Variants in NTNG1 observed in about 807,000 individuals in gnomAD.
NTNG1 encodes the protein netrin G1.
Under a neutral mutation model 54.0 loss-of-function variants are expected in NTNG1, and 16 were observed. The ratio of observed to expected loss-of-function variants is 0.30; its 90% CI spans 0.20 to 0.45. The LOEUF is 0.45. NTNG1 is among the 20% of genes least tolerant of loss of function. The probability of loss-of-function intolerance (pLI) is 1.00; values close to 1 mark genes in which losing one functional copy is unlikely to be tolerated. For missense variants in NTNG1, 530 were observed against 678.7 expected, an observed-to-expected ratio of 0.78 and a Z score of 2.43; for synonymous variants, 255 against 263.1, an observed-to-expected ratio of 0.97 and a Z score of 0.30.
At chr1:107,329,463 G>T (rs545810435) in intron 3 of NTNG1, among the ~76,000 whole-genome samples, 1 of 152,326 alleles carries the variant, frequency 6.6e-6, no homozygotes, top group South Asian at 2.1e-4. Flanking sequence ...TAGTGCGAAA[G>T]ATGTGATGTC....
At chr1:107,256,356 C>T (rs891925526) in intron 2 of NTNG1, among the ~76,000 whole-genome samples, 11 of 152,190 alleles carry the variant, frequency 7.2e-5, no homozygotes, top group Non-Finnish European at 4.4e-5. Flanking sequence ...CTCATTCATT[C>T]AGTCAGTCCA....
intron 4 of NTNG1, among the ~76,000 whole-genome samples, chr1:107,403,472 G>A (rs1673179874): frequency 6.6e-6 from 1 of 152,140 alleles, no homozygotes; most frequent in Admixed American, 6.6e-5. Context: ...CACTTTGGGA[G>A]GATGAGGCAG....
intron 2 of NTNG1, among the ~76,000 whole-genome samples, chr1:107,298,838 G>A (rs1666143622): frequency 6.6e-6 from 1 of 152,130 alleles, no homozygotes; most frequent in African/African-American, 2.4e-5. Context: ...TATGAATTGT[G>A]ATTCTTGCCT....
chr1:107,326,200 GC>G (rs144677511), intron 3 of NTNG1, among the ~76,000 whole-genome samples: 3,625 of 152,160 alleles, frequency 0.024, 57 homozygotes, highest in South Asian at 0.044. Flanking sequence ...TCTACTCTCA[GC>G]TTTTTCTAGC....
At chr1:107,442,782 C>T (rs1206741794) in intron 7 of NTNG1, among the ~76,000 whole-genome samples, 1 of 151,276 alleles carries the variant, frequency 6.6e-6, no homozygotes. Flanking sequence ...AAGAGAGTCC[C>T]TTCTTTGATG....
At chr1:107,215,881 A>G (rs933972979) in intron 2 of NTNG1, among the ~76,000 whole-genome samples, 1 of 151,760 alleles carries the variant, frequency 6.6e-6, no homozygotes, top group African/African-American at 2.4e-5. Flanking sequence ...TATATTCCTA[A>G]TAATTTAATT....
chr1:107,165,588 T>G (rs906376069), intron 2 of NTNG1, among the ~76,000 whole-genome samples: 1 of 152,186 alleles, frequency 6.6e-6, no homozygotes, highest in Non-Finnish European at 1.5e-5. Flanking sequence ...CAGACAGAAA[T>G]GAACCTGTGT....
At chr1:107,453,731 A>T (rs1426638335) in intron 7 of NTNG1, among the ~76,000 whole-genome samples, 1 of 152,184 alleles carries the variant, frequency 6.6e-6, no homozygotes, top group African/African-American at 2.4e-5. Flanking sequence ...CCACTTTATA[A>T]ATTAAACTAA....
chr1:107,211,175 A>G (rs190936499), intron 2 of NTNG1, among the ~76,000 whole-genome samples: 56 of 152,254 alleles, frequency 3.7e-4, no homozygotes, highest in Middle Eastern at 3.4e-3. Context: ...GGTGAATTGT[A>G]GAAGCATCAT....
At chr1:107,172,943 G>C (rs1656364600) in intron 2 of NTNG1, among the ~76,000 whole-genome samples, 1 of 152,144 alleles carries the variant, frequency 6.6e-6, no homozygotes, top group Non-Finnish European at 1.5e-5. Context: ...CTGTGAACTT[G>C]ACTCTTGAGA....
At chr1:107,343,504 C>A (rs971596830) in intron 3 of NTNG1, among the ~76,000 whole-genome samples, 1 of 146,718 alleles carries the variant, frequency 6.8e-6, no homozygotes, top group Non-Finnish European at 1.5e-5. Context: ...CTTGACCCTA[C>A]TTTTTTTTTT....
intron 3 of NTNG1, among the ~76,000 whole-genome samples, chr1:107,352,872 G>T (rs1372517875): frequency 6.6e-6 from 1 of 152,220 alleles, no homozygotes; most frequent in African/African-American, 2.4e-5. Context: ...TGGAGCAGTG[G>T]TCCTAGCTGT....
At chr1:107,414,070 C>A (rs979188988) in intron 5 of NTNG1, among the ~76,000 whole-genome samples, 4 of 152,148 alleles carry the variant, frequency 2.6e-5, no homozygotes, top group Admixed American at 6.5e-5. Context: ...GCAACTCTAC[C>A]TCTAAAGCTT....
chr1:107,277,876 T>C (rs3125674), intron 2 of NTNG1, among the ~76,000 whole-genome samples: 2,574 of 152,310 alleles, frequency 0.017, 64 homozygotes, highest in African/African-American at 0.059. Flanking sequence ...TTCCTATAAA[T>C]AAACCAGTCT....
chr1:107,355,357 A>T (rs1336386472), intron 3 of NTNG1, among the ~76,000 whole-genome samples: 2 of 151,164 alleles, frequency 1.3e-5, no homozygotes, highest in Non-Finnish European at 2.9e-5. Flanking sequence ...TAGCTTTGTG[A>T]GTTTTTTTAA....
At chr1:107,152,840 A>G (rs1654682105) in intron 2 of NTNG1, among the ~76,000 whole-genome samples, 1 of 152,222 alleles carries the variant, frequency 6.6e-6, no homozygotes, top group African/African-American at 2.4e-5. Context: ...TGGAGAAAAT[A>G]AAGTACTCTG....
intron 2 of NTNG1, among the ~76,000 whole-genome samples, chr1:107,249,350 C>T (rs1251565091): frequency 2.0e-5 from 3 of 151,682 alleles, no homozygotes; most frequent in African/African-American, 7.3e-5. Flanking sequence ...GGCGTAGTGG[C>T]GCATGCCTGT....
At chr1:107,384,576 A>T (rs956181071) in intron 3 of NTNG1, among the ~76,000 whole-genome samples, 1 of 152,206 alleles carries the variant, frequency 6.6e-6, no homozygotes, top group African/African-American at 2.4e-5. Flanking sequence ...TTTATAGTCT[A>T]TACCAGTCAG....
rs149974467 is a variant in NTNG1 at position 107,458,606 on chromosome 1, T to C, written c.1390+21807T>C. On this transcript the variant is annotated intron_variant, in intron 7 of 7. Coordinates refer to ENST00000370068, the MANE Select transcript of NTNG1 (RefSeq NM_001113226.3). ...TTTAAAGTCCTGCAAATTCAGTTAA[T>C]TCACAGATTAACAATATTCATGAAA... 4.5e-3 allele frequency among the ~76,000 whole-genome samples: 690 copies of C among 152,294 alleles called. 2 individuals are homozygous for C. Among genetic ancestry groups the C allele is most frequent in the Middle Eastern group, 0.014 (4 of 294 alleles).
Sources: allele counts gnomAD v4.1 joint callset (sites outside exome capture counted in the v4.1 genomes callset), GRCh38; gene constraint gnomAD v4.1.1; transcripts MANE v1.5; gene names NCBI Gene and HGNC (gene_info 2026-07-23, HGNC 2026-07-21).